The following DLEC1 variants were observed in gnomAD, a reference collection of about 807,000 sequenced individuals.
The protein encoded by DLEC1 is DLEC1 cilia and flagella associated protein, also known as deleted in lung and esophageal cancer protein 1.
DLEC1 carries 146 observed loss-of-function variants against 198.1 expected under a neutral mutation model. The observed-to-expected ratio is 0.74, with a 90% CI of 0.64 to 0.85. The LOEUF (loss-of-function observed/expected upper bound fraction) is 0.85, where lower values mean the gene tolerates loss of function less well. Ranked by LOEUF, DLEC1 falls within the 40% of genes least tolerant of loss-of-function variation. The pLI is 0.00. For missense variants in DLEC1, 2,233 were observed against 2,220.0 expected (o/e 1.01, Z -0.12); for synonymous variants, 897 against 866.8 (o/e 1.03, Z -0.61).
chr3:38,061,311 T>C (rs1012971526), intron 3 of DLEC1, among the ~76,000 whole-genome samples: 8 of 152,172 alleles, frequency 5.3e-5, no homozygotes, highest in South Asian at 2.1e-4. Flanking sequence ...CCTGAGTAGC[T>C]GGGATTAAAG....
chr3:38,111,889 TGCCTCTTCCTGTTGAG>T, intron 24 of DLEC1, 142 bp downstream of exon 24: 1 of 935,192 alleles, frequency 1.1e-6, no homozygotes, highest in Admixed American at 2.8e-5. Flanking sequence ...CACCTGACAA[TGCCTCTTCCTGTTGAG>T]GCCACTTCCC....
chr3:38,095,885 C>T lies in DLEC1; in HGVS notation c.2113-3C>T. 1 of 1,613,854 alleles carries T rather than the reference C, an allele frequency of 6.2e-7. No individual in the cohort carries two copies. Among genetic ancestry groups the T allele is most frequent in the African/African-American group, 1.3e-5 (1 of 75,036 alleles). ...TTTTCAGGGCACTGTGTTTGCCTTGCAGCTGAGGGATTTTCACAGTGTGCT... is the reference window on the plus strand; with the variant it reads ...TTTTCAGGGCACTGTGTTTGCCTTGTAGCTGAGGGATTTTCACAGTGTGCT... On this transcript the variant is annotated splice_polypyrimidine_tract_variant and splice_region_variant and intron_variant, in intron 13 of 36. Coordinates refer to ENST00000308059, the MANE Select transcript of DLEC1 (RefSeq NM_007335.4).
At chr3:38,111,291 C>A (rs1305207058) in intron 23 of DLEC1, among the ~76,000 whole-genome samples, 1 of 152,152 alleles carries the variant, frequency 6.6e-6, no homozygotes, top group South Asian at 2.1e-4. Flanking sequence ...CAGATGTCAG[C>A]AGGAAAAACT....
chr3:38,114,206 A>G (rs1050554330), intron 25 of DLEC1, 136 bp from the exon 26 acceptor site: 9 of 697,298 alleles, frequency 1.3e-5, no homozygotes, highest in Non-Finnish European at 2.0e-5. Context: ...GTGGGAGAGA[A>G]GACAGAGTGG....
rs560475417 is a variant in DLEC1 at position 38,052,665 on chromosome 3, T to C, written c.562+6972T>C. 2.6e-5 allele frequency among the ~76,000 whole-genome samples: 4 copies of C among 152,154 alleles called. No homozygotes were observed. In the South Asian group the frequency reaches 8.3e-4, roughly 32 times the overall value. ...ATGATGAGGTCTCCGTCCACTGGAG[T>C]CCAGAGGGAAGTTTATCTGAGATCT... On this transcript the variant is annotated intron_variant, in intron 2 of 36. Coordinates refer to ENST00000308059, the MANE Select transcript of DLEC1 (RefSeq NM_007335.4).
At chr3:38,121,960 C>T in intron 35 of DLEC1, 111 bp from the exon 36 acceptor site, 1 of 1,533,866 alleles carries the variant, frequency 6.5e-7, no homozygotes, top group Admixed American at 1.9e-5. Flanking sequence ...GTTGCCCTGC[C>T]CTGCAGTGCT....
Position 38,111,875 on chromosome 3 carries a change from G to A in DLEC1, c.3514+128G>A, listed in dbSNP as rs548011598. On this transcript the variant is annotated intron_variant, in intron 24 of 36. Coordinates refer to ENST00000308059, the MANE Select transcript of DLEC1 (RefSeq NM_007335.4). Reference sequence around the variant, plus strand: ...GAGACTGCTCTCAGATGGCCAAGGCGCTCCACCTGACAATGCCTCTTCCTG... The same window carrying A: ...GAGACTGCTCTCAGATGGCCAAGGCACTCCACCTGACAATGCCTCTTCCTG... 2.0e-4 allele frequency: 211 copies of A among 1,051,698 alleles called. 1 individual carries two copies. In the African/African-American group the frequency reaches 2.0e-3, roughly 10 times the overall value. The allele number at this position is 1,051,698 out of a possible 1,614,324, so 65.1% of individuals were successfully genotyped here. A position where few individuals can be genotyped will look rare whatever the true frequency, so the allele number is the denominator to read the frequency against.
In DLEC1 at chr3:38,059,349, C is replaced by T. The variant is rs562527269; in HGVS notation, c.563-393C>T. ...TGCTAACATCTCATTGGCCAAAGCA[C>T]GTCACATGGCCACAGTCAGGAGTGA... On this transcript the variant is annotated intron_variant, in intron 2 of 36. Transcript: ENST00000308059. Among the ~76,000 whole-genome samples the T allele has an allele frequency of 2.8e-4, 42 of 152,348 alleles. No homozygotes were observed. The South Asian group carries it at 3.5e-3, about 13-fold the overall frequency.
intron 2 of DLEC1, among the ~76,000 whole-genome samples, 154 bp from the exon 3 acceptor site, chr3:38,059,588 T>G (rs547645691): frequency 6.6e-6 from 1 of 152,358 alleles, no homozygotes; most frequent in Non-Finnish European, 1.5e-5. Context: ...TGATAGATAC[T>G]TGATGAGTTT....
At chr3:38,104,853 T>C (rs1051801121) in intron 19 of DLEC1, among the ~76,000 whole-genome samples, 1 of 152,190 alleles carries the variant, frequency 6.6e-6, no homozygotes, top group African/African-American at 2.4e-5. Flanking sequence ...TAGTTTGCTC[T>C]TCTCTTTCTA....
Position 38,122,674 on chromosome 3 carries a change from A to G in DLEC1, c.*262A>G. 1 of 1,429,674 alleles carries G rather than the reference A, an allele frequency of 7.0e-7. No homozygotes were observed. The highest frequency in any genetic ancestry group is 1.4e-5 in the African/African-American group (1 of 70,130). 88.6% of individuals were successfully genotyped at this position (1,429,674 alleles called of 1,614,324 possible). A position where few individuals can be genotyped will look rare whatever the true frequency, so the allele number is the denominator to read the frequency against. On this transcript the variant is annotated 3_prime_UTR_variant, in exon 37 of 37. Coordinates refer to ENST00000308059, the MANE Select transcript of DLEC1 (RefSeq NM_007335.4). Reference sequence around the variant, plus strand: ...TACTCAGTGCATAGCGAAGACCAGTATGGCAAAATTAGTCTTGGAAAAAAA... The same window carrying G: ...TACTCAGTGCATAGCGAAGACCAGTGTGGCAAAATTAGTCTTGGAAAAAAA...
rs573971169 is a variant in DLEC1, at chr3:38,108,352, G to A, written c.3019-53G>A. ...AGTGCTGAGCACTCTCTGGATACTG[G>A]TCCATTCTGGGAGCCCAGTAAGTGA... On this transcript the variant is annotated intron_variant, in intron 20 of 36. Transcript: ENST00000308059. 61 of 1,462,842 alleles carry A rather than the reference G, an allele frequency of 4.2e-5. 2 individuals carry two copies. In the South Asian group the frequency reaches 6.0e-4, roughly 14 times the overall value. 90.6% of individuals were successfully genotyped at this position (1,462,842 alleles called of 1,614,324 possible). A position where few individuals can be genotyped will look rare whatever the true frequency, so the allele number is the denominator to read the frequency against.
chr3:38,100,165 A>C, intron 18 of DLEC1, 121 bp from the exon 19 acceptor site: 1 of 1,278,254 alleles, frequency 7.8e-7, no homozygotes, highest in East Asian at 2.6e-5. Context: ...TGGATCCCAG[A>C]TGGCTCTTGG....
At chr3:38,057,278 G>T (rs1270447472) in intron 2 of DLEC1, among the ~76,000 whole-genome samples, 4 of 152,216 alleles carry the variant, frequency 2.6e-5, no homozygotes, top group Non-Finnish European at 4.4e-5. Context: ...ATCACCTGAG[G>T]TCAGGAGTTT....
rs200156259 is a variant in DLEC1, at chr3:38,088,366, C to T, written c.1643C>T (p.Pro548Leu). Residue 548 changes from proline to leucine, a missense_variant, in exon 10 of 37, where the codon CCG (proline) becomes CTG (leucine). By Grantham distance (98) the Pro-to-Leu change is moderately conservative. Transcript: ENST00000308059. ...CTGCCTTCGGTGTTTGAGCTGGCCC[C>T]GGGACATGCTATATTAGTGGAGGTA... ...GILPSVFELA[P>L]GHAILVEVLF... The T allele has an allele frequency of 2.0e-5, 32 of 1,613,816 alleles. No homozygotes were observed. Among genetic ancestry groups the T allele is most frequent in the African/African-American group, 1.7e-4 (13 of 75,008 alleles).
rs561509649 is a variant in DLEC1 at position 38,066,483 on chromosome 3, A to G, written c.1173+2564A>G. On this transcript the variant is annotated intron_variant, in intron 6 of 36. Coordinates refer to ENST00000308059, the MANE Select transcript of DLEC1 (RefSeq NM_007335.4). ...TTGAACCATAAGCAAATATGTATATATAGTTGAACCCCCTTTCCTTCTTAC... is the reference window on the plus strand; with the variant it reads ...TTGAACCATAAGCAAATATGTATATGTAGTTGAACCCCCTTTCCTTCTTAC... Among the ~76,000 whole-genome samples, 20 of 152,202 alleles carry G rather than the reference A, an allele frequency of 1.3e-4. 1 individual carries two copies. Among genetic ancestry groups the G allele is most frequent in the Non-Finnish European group, 2.2e-4 (15 of 68,046 alleles).
At chr3:38,049,352 T>A (rs1010982706) in intron 2 of DLEC1, among the ~76,000 whole-genome samples, 1 of 152,192 alleles carries the variant, frequency 6.6e-6, no homozygotes, top group Non-Finnish European at 1.5e-5. Context: ...CTCAGATAAC[T>A]GGCAATGAGG....
intron 34 of DLEC1, 74 bp from the exon 35 acceptor site, chr3:38,121,554 C>T: frequency 6.5e-7 from 1 of 1,537,538 alleles, no homozygotes; most frequent in Non-Finnish European, 8.7e-7. Flanking sequence ...TTGGGGTCAG[C>T]AGGGTTCTGT....
intron 20 of DLEC1, among the ~76,000 whole-genome samples, chr3:38,108,139 C>T (rs1699665138): frequency 1.3e-5 from 2 of 152,240 alleles, no homozygotes; most frequent in South Asian, 4.1e-4. Flanking sequence ...CTGCCCTCTG[C>T]TCCCCATCCC....
Sources: gnomAD v4.1 joint callset for allele counts (sites outside exome capture counted in the v4.1 genomes callset) on GRCh38, gnomAD v4.1.1 for gene constraint, MANE v1.5 for transcripts, NCBI Gene and HGNC (gene_info 2026-07-23, HGNC 2026-07-21) for gene names.